Variants in MALRD1 observed in about 807,000 individuals in gnomAD.
MALRD1 encodes the protein MAM and LDL receptor class A domain containing 1, also known as MAM and LDL-receptor class A domain-containing protein 1.
In MALRD1, 247 loss-of-function variants were observed where a neutral mutation model predicts 242.1. The observed-to-expected ratio is 1.02, with a 90% CI of 0.92 to 1.13. MALRD1 has a LOEUF of 1.13. Ranked by LOEUF, MALRD1 falls within the 50% of genes most tolerant of loss-of-function variation. MALRD1 has a pLI of 0.00. For missense variants in MALRD1, 2,989 were observed against 2,533.1 expected, an observed-to-expected ratio of 1.18 and a Z score of -3.86; for synonymous variants, 995 against 866.6, an observed-to-expected ratio of 1.15 and a Z score of -2.60.
chr10:19,678,269 A>G (rs1331196057), intron 36 of MALRD1, among the ~76,000 whole-genome samples: 1 of 152,106 alleles, frequency 6.6e-6, no homozygotes, highest in Non-Finnish European at 1.5e-5. Flanking sequence ...CAGTATGGCC[A>G]TTTTCACAAT....
At chr10:19,552,948 A>G (rs966446593) in intron 32 of MALRD1, among the ~76,000 whole-genome samples, 1 of 152,116 alleles carries the variant, frequency 6.6e-6, no homozygotes, top group East Asian at 1.9e-4. Context: ...CCTGGAAGAA[A>G]ACAAATTTTA....
chr10:19,579,381 C>T (rs930193349), intron 33 of MALRD1, among the ~76,000 whole-genome samples: 1 of 152,154 alleles, frequency 6.6e-6, no homozygotes, highest in Non-Finnish European at 1.5e-5. Flanking sequence ...ACTTCCTTCA[C>T]TGATAGATTG....
chr10:19,704,151 A>C (rs1398351862), intron 38 of MALRD1, among the ~76,000 whole-genome samples: 1 of 152,218 alleles, frequency 6.6e-6, no homozygotes, highest in Non-Finnish European at 1.5e-5. Context: ...TATGCTGAGA[A>C]ATAACATATA....
intron 28 of MALRD1, among the ~76,000 whole-genome samples, chr10:19,432,772 C>A (rs1240840106): frequency 6.6e-6 from 1 of 152,156 alleles, no homozygotes; most frequent in African/African-American, 2.4e-5. Flanking sequence ...AGAGAAAAAG[C>A]CAATCACTAA....
At chr10:19,611,470 C>T (rs535623809) in intron 35 of MALRD1, among the ~76,000 whole-genome samples, 4 of 152,082 alleles carry the variant, frequency 2.6e-5, no homozygotes, top group African/African-American at 9.6e-5. Context: ...ATGTGAAATA[C>T]TCAGAATGAT....
At chr10:19,493,840 A>G (rs895812298) in intron 30 of MALRD1, among the ~76,000 whole-genome samples, 2 of 152,028 alleles carry the variant, frequency 1.3e-5, no homozygotes, top group African/African-American at 2.4e-5. Context: ...AAACACGACA[A>G]AAGTGTATTT....
At chr10:19,696,050 A>G (rs1301612843) in intron 38 of MALRD1, among the ~76,000 whole-genome samples, 1 of 152,180 alleles carries the variant, frequency 6.6e-6, no homozygotes, top group Non-Finnish European at 1.5e-5. Flanking sequence ...CATATCACAT[A>G]GGGAGGCAGG....
chr10:19,188,136 A>G (rs995331544), intron 14 of MALRD1, among the ~76,000 whole-genome samples: 1 of 152,138 alleles, frequency 6.6e-6, no homozygotes, highest in Non-Finnish European at 1.5e-5. Context: ...TGAACAGAAG[A>G]CTTGCAAGAT....
At chr10:19,201,838 CAG>C (rs1836553234) in intron 14 of MALRD1, among the ~76,000 whole-genome samples, 2 of 151,884 alleles carry the variant, frequency 1.3e-5, no homozygotes, top group Admixed American at 6.6e-5. Flanking sequence ...TTTTTTGAGA[CAG>C]AGTCTCACTC....
At chr10:19,346,386 C>T (rs531508733) in intron 24 of MALRD1, among the ~76,000 whole-genome samples, 1 of 152,208 alleles carries the variant, frequency 6.6e-6, no homozygotes, top group South Asian at 2.1e-4. Flanking sequence ...ATGACAGAAT[C>T]ATTTTTGCCC....
chr10:19,603,141 G>A (rs898507326), intron 34 of MALRD1, among the ~76,000 whole-genome samples: 4 of 152,100 alleles, frequency 2.6e-5, no homozygotes, highest in Non-Finnish European at 4.4e-5. Flanking sequence ...CATTCTGTAG[G>A]TTGCCTGTTC....
chr10:19,189,248 G>T (rs1835872650), intron 14 of MALRD1, among the ~76,000 whole-genome samples: 2 of 152,008 alleles, frequency 1.3e-5, no homozygotes, highest in African/African-American at 4.8e-5. Flanking sequence ...AACCTACCAA[G>T]ATTAAAGCAC....
At chr10:19,217,551 T>TTTTC (rs1491232039) in intron 18 of MALRD1, among the ~76,000 whole-genome samples, 6 of 114,202 alleles carry the variant, frequency 5.3e-5, no homozygotes, top group Non-Finnish European at 8.7e-5. Flanking sequence ...TTTTTTTTTT[T>TTTTC]GAGACAGAGT....
At chr10:19,471,834 A>C (rs1447393356) in intron 29 of MALRD1, among the ~76,000 whole-genome samples, 1 of 151,820 alleles carries the variant, frequency 6.6e-6, no homozygotes, top group African/African-American at 2.4e-5. Flanking sequence ...TGGATTCTTC[A>C]GAGTTTTCTA....
chr10:19,295,075 A>T (rs540929853), intron 21 of MALRD1, among the ~76,000 whole-genome samples: 54 of 152,196 alleles, frequency 3.5e-4, no homozygotes, highest in African/African-American at 1.3e-3. Flanking sequence ...CATCACTGTT[A>T]TTAGTTGCTT....
chr10:19,532,966 A>C (rs1255431141), intron 32 of MALRD1, among the ~76,000 whole-genome samples: 1 of 152,140 alleles, frequency 6.6e-6, no homozygotes. Flanking sequence ...AAACTCCACA[A>C]CACCTTATTT....
chr10:19,582,841 C>T (rs1258910237), intron 33 of MALRD1, among the ~76,000 whole-genome samples: 167 of 18,118 alleles, frequency 9.2e-3, no homozygotes, highest in Non-Finnish European at 0.014. Context: ...GATATTGATT[C>T]TTCCTACCCA....
chr10:19,369,621 A>T (rs944406244), intron 26 of MALRD1, among the ~76,000 whole-genome samples: 1 of 117,788 alleles, frequency 8.5e-6, no homozygotes, highest in African/African-American at 3.2e-5. Flanking sequence ...ATTTAAATAT[A>T]CATAAGTATA....
intron 14 of MALRD1, among the ~76,000 whole-genome samples, chr10:19,196,294 T>C (rs1051407161): frequency 2.0e-5 from 3 of 152,322 alleles, no homozygotes; most frequent in Admixed American, 2.0e-4. Flanking sequence ...TCCTTTCTTT[T>C]ATATTACTCA....
Sources: gnomAD v4.1 joint callset for allele counts (sites outside exome capture counted in the v4.1 genomes callset) on GRCh38, gnomAD v4.1.1 for gene constraint, MANE v1.5 for transcripts, NCBI Gene and HGNC (gene_info 2026-07-23, HGNC 2026-07-21) for gene names.